SEC14L1: variants seen among roughly 807,000 people sequenced by gnomAD.
SEC14L1 encodes the protein SEC14 like lipid binding 1, also known as SEC14-like protein 1.
Under a neutral mutation model 85.3 loss-of-function variants are expected in SEC14L1, and 48 were observed. The ratio of observed to expected loss-of-function variants is 0.56; its 90% CI spans 0.45 to 0.72. The LOEUF (loss-of-function observed/expected upper bound fraction) is 0.72, where lower values mean the gene tolerates loss of function less well. Among genes scored for constraint, SEC14L1 ranks in the 30% least tolerant of loss-of-function variants. The probability of loss-of-function intolerance (pLI) is 0.00; values close to 1 mark genes in which losing one functional copy is unlikely to be tolerated. For missense variants in SEC14L1, 682 were observed against 921.4 expected (o/e 0.74, Z 3.36); for synonymous variants, 391 against 355.5 (o/e 1.10, Z -1.12).
intron 3 of SEC14L1, among the ~76,000 whole-genome samples, chr17:77,161,711 T>TC (rs1974060717): frequency 8.4e-6 from 1 of 119,748 alleles, no homozygotes; most frequent in Admixed American, 8.6e-5. Flanking sequence ...TTAAATTGGT[T>TC]CTTTTTTTTT....
intron 3 of SEC14L1, among the ~76,000 whole-genome samples, chr17:77,145,894 C>T (rs561710138): frequency 1.3e-5 from 2 of 152,328 alleles, no homozygotes; most frequent in South Asian, 4.1e-4. Flanking sequence ...GCTTTGCTCA[C>T]TCCTAGTTTT....
intron 3 of SEC14L1, among the ~76,000 whole-genome samples, chr17:77,154,671 C>T (rs184871223): frequency 6.8e-6 from 1 of 148,010 alleles, no homozygotes; most frequent in East Asian, 2.0e-4. Flanking sequence ...AAAAGTCTGT[C>T]TCTATAATTA....
chr17:77,139,723 C>G (rs1474114694), upstream of SEC14L1, among the ~76,000 whole-genome samples: 1 of 152,062 alleles, frequency 6.6e-6, no homozygotes, highest in African/African-American at 2.4e-5. Context: ...TGGTCTCGAT[C>G]TCCTGACCTC....
intron 10 of SEC14L1, 183 bp from the exon 11 acceptor site, chr17:77,205,093 G>A: frequency 1.7e-6 from 1 of 577,210 alleles, no homozygotes; most frequent in Non-Finnish European, 3.1e-6. Context: ...TTCAAAAGTA[G>A]AATTTATTTG....
chr17:77,170,664 T>C (rs1313410040), intron 3 of SEC14L1, among the ~76,000 whole-genome samples: 2 of 152,260 alleles, frequency 1.3e-5, no homozygotes, highest in Non-Finnish European at 2.9e-5. Flanking sequence ...GTTTGGACTC[T>C]GAACAGGGCA....
At position 77,215,741 on chromosome 17, in the gene SEC14L1, G is replaced by C; in HGVS notation, c.*1718G>C. 1.0e-6 allele frequency: 1 copy of C among 987,694 alleles called. No individual in the cohort carries two copies. Among genetic ancestry groups the C allele is most frequent in the Non-Finnish European group, 1.2e-6 (1 of 830,908 alleles). 61.2% of individuals were successfully genotyped at this position (987,694 alleles called of 1,614,324 possible). On this transcript the variant is annotated 3_prime_UTR_variant, in exon 17 of 17. Transcript: ENST00000436233. The stretch of plus-strand genomic sequence containing the variant: ...TAGGGTTCGTAGGTAGGGCTAGTAG[G>C]TAGGGTTAGTAGGTAGGGCTAGTAG...
intron 3 of SEC14L1, among the ~76,000 whole-genome samples, chr17:77,147,725 C>T (rs145980370): frequency 1.3e-5 from 2 of 152,292 alleles, no homozygotes; most frequent in East Asian, 1.9e-4. Flanking sequence ...CACACACAAA[C>T]GAAAGCCTCA....
rs915464177 is a variant in SEC14L1 at position 77,217,056 on chromosome 17, A to AT, written c.*3040dup. 1.3e-5 allele frequency: 2 copies of AT among 153,460 alleles called. No homozygotes were observed. The highest frequency in any genetic ancestry group is 2.4e-5 in the African/African-American group (1 of 41,468). 9.5% of individuals were successfully genotyped at this position (153,460 alleles called of 1,614,324 possible). ...ATACAATACTGATAGTCTTTAAAAG[A>AT]TTTTTTTATTGTTATCAATAATAAA... is the stretch of plus-strand genomic sequence containing the variant. On this transcript the variant is annotated 3_prime_UTR_variant, in exon 17 of 17. Coordinates refer to ENST00000436233, the MANE Select transcript of SEC14L1 (RefSeq NM_001143998.2).
At chr17:77,172,916 G>A (rs984517612) in intron 3 of SEC14L1, among the ~76,000 whole-genome samples, 8 of 152,168 alleles carry the variant, frequency 5.3e-5, no homozygotes, top group African/African-American at 1.9e-4. Flanking sequence ...ATCTGTGGCC[G>A]CAAGTTTTTG....
At chr17:77,170,104 C>T (rs750367078) in intron 3 of SEC14L1, among the ~76,000 whole-genome samples, 3 of 152,146 alleles carry the variant, frequency 2.0e-5, no homozygotes, top group Non-Finnish European at 2.9e-5. Context: ...TGGAGATCCC[C>T]ACAGGGCATA....
chr17:77,115,144 A>G (rs1972143437), intron 3 of SEC14L1, among the ~76,000 whole-genome samples: 1 of 152,036 alleles, frequency 6.6e-6, no homozygotes, highest in Admixed American at 6.6e-5. Flanking sequence ...TAAAGCTGCA[A>G]GCCCGGCCGG....
chr17:77,171,813 G>A (rs138025597), intron 3 of SEC14L1, among the ~76,000 whole-genome samples: 87 of 152,266 alleles, frequency 5.7e-4, no homozygotes, highest in Admixed American at 6.5e-4. Context: ...CTGAGTACCC[G>A]TTATGCCTTT....
At position 77,104,313 on chromosome 17, in the gene SEC14L1, G is replaced by A. The variant is rs1319986505; in HGVS notation, c.-136+10966G>A. 1.1e-4 allele frequency among the ~76,000 whole-genome samples: 17 copies of A among 149,218 alleles called. No individual in the cohort carries two copies. The East Asian group carries it at 2.0e-3, about 18-fold the overall frequency. ...TAATTTTTGTATTTTTAGTAGAGAC[G>A]GGATTTCACCATTTGGCCAGAATGG... On this transcript the variant is annotated intron_variant, in intron 3 of 19. Transcript: ENST00000392476.
Position 77,129,628 on chromosome 17 carries a change from G to A in SEC14L1, c.-135-13018G>A, listed in dbSNP as rs141296856. The stretch of plus-strand genomic sequence containing the variant: ...CCCACATCAAGGAGGACGTGGGAGA[G>A]CTCTGGCCTCTGATGACCCCTGTGT... On this transcript the variant is annotated intron_variant, in intron 3 of 19. Coordinates refer to the SEC14L1 transcript ENST00000392476. 5.3e-5 allele frequency among the ~76,000 whole-genome samples: 8 copies of A among 152,250 alleles called. No homozygotes were observed. In the East Asian group the frequency reaches 1.4e-3, roughly 26 times the overall value.
At chr17:77,107,851 A>G (rs569205075) in intron 3 of SEC14L1, among the ~76,000 whole-genome samples, 2 of 152,286 alleles carry the variant, frequency 1.3e-5, no homozygotes, top group South Asian at 4.1e-4. Context: ...TTGAGAAAGG[A>G]GCCATGCTGG....
intron 2 of SEC14L1, 35 bp from the exon 3 acceptor site, chr17:77,143,532 T>C: frequency 7.5e-7 from 1 of 1,328,774 alleles, no homozygotes; most frequent in Non-Finnish European, 1.1e-6. Flanking sequence ...GTTTCTGCAT[T>C]GTGGTTACTT....
chr17:77,216,780 C>A lies in SEC14L1; in HGVS notation c.*2757C>A. 1 of 760,950 alleles carries A rather than the reference C, an allele frequency of 1.3e-6. No individual in the cohort carries two copies. Among genetic ancestry groups the A allele is most frequent in the Non-Finnish European group, 2.0e-6 (1 of 490,248 alleles). The allele number at this position is 760,950 out of a possible 1,614,324, so 47.1% of individuals were successfully genotyped here. ...CACAAATGCTTACAGGGTTTCCTCC[C>A]GAGTAATCCAATCTCACTCCCCTTG... On this transcript the variant is annotated 3_prime_UTR_variant, in exon 17 of 17. Transcript: ENST00000436233.
Position 77,194,904 on chromosome 17 carries a change from C to T in SEC14L1, c.702C>T (p.Thr234=). The stretch of plus-strand genomic sequence containing the variant: ...GCGCACCTGAGCCCGTGGTGGGCAC[C>T]CCTGACGGTGGGTCTGGCAGGGGCT... ...SPSAPEPVVG[T]PDDKLDADYI... is the part of the protein sequence containing the mutation. Residue 234 remains threonine (T), a synonymous_variant, in exon 7 of 17, where the codon ACC becomes ACT. Transcript: ENST00000436233. 1 of 1,612,850 alleles carries T rather than the reference C, an allele frequency of 6.2e-7. No homozygotes were observed. The highest frequency in any genetic ancestry group is 8.5e-7 in the Non-Finnish European group (1 of 1,178,900).
intron 2 of SEC14L1, among the ~76,000 whole-genome samples, chr17:77,092,310 G>C (rs953928121): frequency 1.3e-5 from 2 of 152,126 alleles, no homozygotes; most frequent in African/African-American, 4.8e-5. Context: ...ATGGTCCCTG[G>C]TGTTAGGGGC....
Sources: gnomAD v4.1 joint callset for allele counts (sites outside exome capture counted in the v4.1 genomes callset) on GRCh38, gnomAD v4.1.1 for gene constraint, MANE v1.5 for transcripts, NCBI Gene and HGNC (gene_info 2026-07-23, HGNC 2026-07-21) for gene names.